NAV2: variants seen among roughly 807,000 people sequenced by gnomAD.
NAV2 encodes the protein helicase, APC down-regulated 1.
In NAV2, 54 loss-of-function variants were observed where a neutral mutation model predicts 223.2. The observed-to-expected ratio is 0.24, with a 90% CI of 0.19 to 0.30. The LOEUF is 0.30. NAV2 is among the 10% of genes least tolerant of loss of function. NAV2 has a pLI of 1.00. For synonymous variants in NAV2, 1,279 were observed against 1,239.3 expected (o/e 1.03, Z -0.67); for missense variants, 2,806 against 3,147.5 (o/e 0.89, Z 2.60).
At chr11:20,076,558 G>C (rs115334268) in intron 22 of NAV2, among the ~76,000 whole-genome samples, 182 of 152,274 alleles carry the variant, frequency 1.2e-3, no homozygotes, top group African/African-American at 4.3e-3. Context: ...TAGCATGACT[G>C]TTTGAAACAG....
intron 6 of NAV2, chr11:19,931,689 G>A (rs2045357660): frequency 6.6e-6 from 1 of 151,572 alleles, no homozygotes; most frequent in African/African-American, 2.4e-5. Context: ...TTAGAAACAT[G>A]AGCAGTTTAA....
At chr11:19,389,507 T>C (rs1005062930) in intron 1 of NAV2, among the ~76,000 whole-genome samples, 1 of 152,208 alleles carries the variant, frequency 6.6e-6, no homozygotes, top group Non-Finnish European at 1.5e-5. Flanking sequence ...CTCACCAGAT[T>C]TGTGATGCTG....
At chr11:20,008,584 T>A (rs1323373662) in intron 11 of NAV2, among the ~76,000 whole-genome samples, 1 of 152,176 alleles carries the variant, frequency 6.6e-6, no homozygotes, top group Non-Finnish European at 1.5e-5. Flanking sequence ...TGAAAGTCAT[T>A]CACACCAAAG....
intron 1 of NAV2, among the ~76,000 whole-genome samples, chr11:19,441,835 G>A (rs954868057): frequency 2.0e-5 from 3 of 152,168 alleles, no homozygotes; most frequent in South Asian, 2.1e-4. Flanking sequence ...TCTGTCAGCC[G>A]CTGGCTTGAA....
intron 1 of NAV2, among the ~76,000 whole-genome samples, chr11:19,567,932 G>A (rs1283942611): frequency 2.0e-5 from 3 of 152,124 alleles, no homozygotes; most frequent in East Asian, 1.9e-4. Context: ...GTGTACCCTC[G>A]CATCCTAACA....
intron 1 of NAV2, among the ~76,000 whole-genome samples, chr11:19,472,298 T>TACC (rs1796201499): frequency 6.6e-6 from 1 of 152,180 alleles, no homozygotes; most frequent in South Asian, 2.1e-4. Context: ...CTTCAACTTC[T>TACC]ACCTGCTCTG....
intron 11 of NAV2, among the ~76,000 whole-genome samples, chr11:19,999,851 C>A (rs1301678493): frequency 6.6e-6 from 1 of 152,194 alleles, no homozygotes; most frequent in Non-Finnish European, 1.5e-5. Context: ...TGCCCTTGAT[C>A]AATGGCAGCA....
chr11:19,671,989 C>T (rs1435794675), intron 1 of NAV2, among the ~76,000 whole-genome samples: 1 of 152,186 alleles, frequency 6.6e-6, no homozygotes, highest in Non-Finnish European at 1.5e-5. Flanking sequence ...CAGGCCATTA[C>T]AATAGTGATG....
intron 1 of NAV2, among the ~76,000 whole-genome samples, chr11:19,778,922 C>T (rs1331960035): frequency 2.6e-5 from 4 of 152,168 alleles, no homozygotes; most frequent in African/African-American, 9.7e-5. Flanking sequence ...TGCATAGGGT[C>T]AGGTTGCCAA....
rs537326059 is a variant in NAV2 at position 19,986,687 on chromosome 11, G to T, written c.2768+2440G>T. On this transcript the variant is annotated intron_variant, in intron 11 of 37. Transcript: ENST00000349880. The stretch of plus-strand genomic sequence containing the variant: ...AAGTTTTAAAGAAAGAACTCAGATG[G>T]CTTTTTAAAGACATAGGATTTGCAA... Among the ~76,000 whole-genome samples, 20 of 152,252 alleles carry T rather than the reference G, an allele frequency of 1.3e-4. No individual in the cohort carries two copies. The South Asian group carries it at 3.9e-3, about 30-fold the overall frequency.
intron 1 of NAV2, among the ~76,000 whole-genome samples, chr11:19,461,619 A>G (rs1173656392): frequency 6.6e-6 from 1 of 152,192 alleles, no homozygotes; most frequent in Non-Finnish European, 1.5e-5. Flanking sequence ...TCCAACTTGG[A>G]AGGGACCGTT....
chr11:19,897,903 T>TATATATATATATATATATAC (rs927166131), intron 6 of NAV2, among the ~76,000 whole-genome samples: 6 of 147,524 alleles, frequency 4.1e-5, no homozygotes, highest in African/African-American at 1.5e-4. Flanking sequence ...TATATATATA[T>TATATATATATATATATATAC]ATGTGAGCAG....
chr11:20,025,397 T>C (rs1374463566), intron 11 of NAV2, among the ~76,000 whole-genome samples: 1 of 152,242 alleles, frequency 6.6e-6, no homozygotes, highest in Non-Finnish European at 1.5e-5. Flanking sequence ...GTTGATATCC[T>C]TGGCAAAAGC....
chr11:19,894,702 T>C (rs7950256), intron 6 of NAV2, among the ~76,000 whole-genome samples: 50,648 of 152,012 alleles, frequency 0.33, 8,606 homozygotes, highest in Middle Eastern at 0.37. Context: ...GGAAAGACTT[T>C]AGTGTCAGAA....
intron 1 of NAV2, among the ~76,000 whole-genome samples, chr11:19,512,027 C>T (rs1200201751): frequency 6.6e-6 from 1 of 152,212 alleles, no homozygotes; most frequent in African/African-American, 2.4e-5. Context: ...TGGGTCCCTG[C>T]CTAATGCCTT....
intron 36 of NAV2, among the ~76,000 whole-genome samples, chr11:20,109,051 C>T (rs1320230580): frequency 6.6e-6 from 1 of 152,070 alleles, no homozygotes; most frequent in Non-Finnish European, 1.5e-5. Flanking sequence ...CCCACAGGCA[C>T]GTGTGTGACA....
At position 20,090,856 on chromosome 11, in the gene NAV2, T is replaced by G; in HGVS notation, c.5499-9T>G. ...GCTGCTTTCATCAGTAACATTCCTCTTTCCCTAGAATTTCAGAATGCATGG... is the reference window on the plus strand; with the variant it reads ...GCTGCTTTCATCAGTAACATTCCTCGTTCCCTAGAATTTCAGAATGCATGG... On this transcript the variant is annotated splice_polypyrimidine_tract_variant and intron_variant, in intron 26 of 37. Transcript: ENST00000349880. The G allele has an allele frequency of 6.2e-7, 1 of 1,613,286 alleles. No homozygotes were observed. The highest frequency in any genetic ancestry group is 8.5e-7 in the Non-Finnish European group (1 of 1,179,400).
intron 1 of NAV2, among the ~76,000 whole-genome samples, chr11:19,737,721 T>C (rs545509376): frequency 2.0e-5 from 3 of 152,222 alleles, no homozygotes; most frequent in Non-Finnish European, 4.4e-5. Flanking sequence ...AAATAGTGCA[T>C]GGAAGGCACT....
chr11:20,035,481 G>T (rs546903394), intron 11 of NAV2, among the ~76,000 whole-genome samples: 1 of 152,056 alleles, frequency 6.6e-6, no homozygotes, highest in Non-Finnish European at 1.5e-5. Flanking sequence ...AACTGTTGCC[G>T]CTCTCCCTCG....
Sources: gnomAD v4.1 joint callset for allele counts (sites outside exome capture counted in the v4.1 genomes callset) on GRCh38, gnomAD v4.1.1 for gene constraint, MANE v1.5 for transcripts, NCBI Gene and HGNC (gene_info 2026-07-23, HGNC 2026-07-21) for gene names.